ROBO1: variants seen among roughly 807,000 people sequenced by gnomAD.
The protein encoded by ROBO1 is roundabout homolog 1.
Under a neutral mutation model 195.9 loss-of-function variants are expected in ROBO1, and 149 were observed. The ratio of observed to expected loss-of-function variants is 0.76; its 90% CI spans 0.67 to 0.87. ROBO1 has a LOEUF of 0.87. Among genes scored for constraint, ROBO1 ranks in the 40% least tolerant of loss-of-function variants. The pLI is 0.00. For missense variants in ROBO1, 1,933 were observed against 2,068.3 expected, an observed-to-expected ratio of 0.93 and a Z score of 1.27; for synonymous variants, 816 against 733.2, an observed-to-expected ratio of 1.11 and a Z score of -1.82.
chr3:78,711,343 C>CCTCCCTTCTTT, intron 8 of ROBO1, among the ~76,000 whole-genome samples: 1 of 101,426 alleles, frequency 9.9e-6, no homozygotes. Context: ...TTCCTTCCTT[C>CCTCCCTTCTTT]CTTCCTCCTT....
chr3:79,321,825 C>T (rs1398562482), intron 2 of ROBO1, among the ~76,000 whole-genome samples: 2 of 152,086 alleles, frequency 1.3e-5, no homozygotes, highest in African/African-American at 2.4e-5. Context: ...GTAAATATAC[C>T]AAAACCAAGC....
chr3:79,415,079 T>C (rs998021182), intron 2 of ROBO1, among the ~76,000 whole-genome samples: 1 of 152,196 alleles, frequency 6.6e-6, no homozygotes, highest in East Asian at 1.9e-4. Flanking sequence ...AGTACCATCA[T>C]GTCACTAACC....
chr3:78,813,593 C>T (rs759566517), intron 4 of ROBO1, among the ~76,000 whole-genome samples: 1 of 152,002 alleles, frequency 6.6e-6, no homozygotes, highest in Non-Finnish European at 1.5e-5. Context: ...ATATTTTTGT[C>T]ATTCACATTA....
In ROBO1 at chr3:78,635,854, G is replaced by A; in HGVS notation, c.3292C>T (p.His1098Tyr). Residue 1098 changes from histidine (H) to tyrosine (Y), a missense_variant, in exon 23 of 31, where the codon CAC (histidine) becomes TAC (tyrosine). By Grantham distance (83) the His-to-Tyr change is moderately conservative. This residue lies in a region of ROBO1 where 1,737 missense variants were observed against 1,882.5 expected (regional missense o/e 0.92). Coordinates refer to ENST00000464233, the MANE Select transcript of ROBO1 (RefSeq NM_002941.4). ...NNGSGDSGEK[H>Y]WKPLGQQKQE... ...TTCTGCTGTCCCAGTGGTTTCCAGT[G>A]CTTCTCGCCAGAGTCCCCGCTGCCA... 6.2e-7 allele frequency: 1 copy of A among 1,613,876 alleles called. No individual in the cohort carries two copies. Among genetic ancestry groups the A allele is most frequent in the Non-Finnish European group, 8.5e-7 (1 of 1,179,828 alleles).
At chr3:78,693,185 C>A in intron 8 of ROBO1, 1 of 873,636 alleles carries the variant, frequency 1.1e-6, no homozygotes, top group Non-Finnish European at 1.7e-6. Context: ...CCCATACTTC[C>A]TGCAGACTTT....
At chr3:78,835,580 A>G (rs775830810) in intron 4 of ROBO1, among the ~76,000 whole-genome samples, 3 of 152,168 alleles carry the variant, frequency 2.0e-5, no homozygotes, top group Non-Finnish European at 4.4e-5. Flanking sequence ...ACAAAATAGT[A>G]ATTTCTAGGT....
chr3:79,616,436 G>C (rs1230990473), intron 1 of ROBO1, among the ~76,000 whole-genome samples: 1 of 152,140 alleles, frequency 6.6e-6, no homozygotes, highest in East Asian at 1.9e-4. Context: ...CTCAGGAGCT[G>C]TAGGATCCCA....
At chr3:78,901,131 G>C (rs184199675) in intron 4 of ROBO1, among the ~76,000 whole-genome samples, 1 of 152,172 alleles carries the variant, frequency 6.6e-6, no homozygotes, top group African/African-American at 2.4e-5. Flanking sequence ...TTTTGCACAC[G>C]ATGTCATGCT....
At chr3:79,737,060 C>A (rs935700501) in intron 1 of ROBO1, among the ~76,000 whole-genome samples, 3 of 152,044 alleles carry the variant, frequency 2.0e-5, no homozygotes, top group African/African-American at 7.2e-5. Flanking sequence ...ATCCAGGTAC[C>A]AAACTAAACA....
At chr3:79,212,536 C>A (rs1171173725) in intron 2 of ROBO1, among the ~76,000 whole-genome samples, 2 of 152,040 alleles carry the variant, frequency 1.3e-5, no homozygotes, top group African/African-American at 4.8e-5. Flanking sequence ...AAACATGGAT[C>A]CTAGGCTGGG....
At chr3:79,145,028 T>C (rs1398654514) in intron 2 of ROBO1, among the ~76,000 whole-genome samples, 1 of 152,000 alleles carries the variant, frequency 6.6e-6, no homozygotes, top group Non-Finnish European at 1.5e-5. Flanking sequence ...AAAAAGATTA[T>C]TGCTCTTGTA....
chr3:79,260,324 CTAAGAGA>C (rs2082916587), intron 2 of ROBO1, among the ~76,000 whole-genome samples: 1 of 151,744 alleles, frequency 6.6e-6, no homozygotes, highest in Non-Finnish European at 1.5e-5. Flanking sequence ...AATCACTCTC[CTAAGAGA>C]TAAAAGAATT....
At chr3:78,887,771 G>C (rs749354729) in intron 4 of ROBO1, among the ~76,000 whole-genome samples, 1 of 152,082 alleles carries the variant, frequency 6.6e-6, no homozygotes, top group African/African-American at 2.4e-5. Context: ...GGCTAACCTG[G>C]TTGCTTGAGA....
intron 2 of ROBO1, among the ~76,000 whole-genome samples, chr3:79,133,716 G>A (rs1348677996): frequency 3.0e-4 from 34 of 114,616 alleles, no homozygotes; most frequent in Admixed American, 5.0e-4. Flanking sequence ...GCTTTGTTCC[G>A]TTGCTGGTGA....
chr3:79,179,523 C>T (rs2081307352), intron 2 of ROBO1, among the ~76,000 whole-genome samples: 1 of 152,128 alleles, frequency 6.6e-6, no homozygotes, highest in Admixed American at 6.5e-5. Flanking sequence ...CAGGTTAGAT[C>T]ACATTTTGTT....
chr3:78,966,258 G>T (rs1447039650), intron 3 of ROBO1, among the ~76,000 whole-genome samples: 1 of 152,202 alleles, frequency 6.6e-6, no homozygotes, highest in Non-Finnish European at 1.5e-5. Context: ...TGCCAAAAAG[G>T]CTGGGGACCT....
intron 3 of ROBO1, among the ~76,000 whole-genome samples, chr3:79,082,500 T>A (rs1006504297): frequency 2.0e-5 from 3 of 152,128 alleles, no homozygotes; most frequent in Non-Finnish European, 4.4e-5. Context: ...TAGATGAAAA[T>A]GAATTTTCTT....
chr3:79,454,258 C>T (rs537371835), intron 2 of ROBO1, among the ~76,000 whole-genome samples: 2 of 151,522 alleles, frequency 1.3e-5, no homozygotes, highest in African/African-American at 4.8e-5. Context: ...TTGCAGCATC[C>T]TGTTACCAAG....
intron 2 of ROBO1, among the ~76,000 whole-genome samples, chr3:79,549,781 G>T (rs12714478): frequency 0.24 from 36,137 of 151,720 alleles, 4,846 homozygotes; most frequent in African/African-American, 0.36. Context: ...AGAAAAAGAG[G>T]GTAGCCCTTA....
Sources: gnomAD v4.1 joint callset for allele counts (sites outside exome capture counted in the v4.1 genomes callset) on GRCh38, gnomAD v4.1.1 for gene constraint, gnomAD v4.1.1 regional missense constraint, MANE v1.5 for transcripts, NCBI Gene and HGNC (gene_info 2026-07-23, HGNC 2026-07-21) for gene names.